The following ROBO1 variants were observed in gnomAD, a reference collection of about 807,000 sequenced individuals.
ROBO1 encodes roundabout guidance receptor 1, also known as roundabout homolog 1.
Under a neutral mutation model 195.9 loss-of-function variants are expected in ROBO1, and 149 were observed. That is an observed-to-expected ratio of 0.76 (90% confidence interval 0.67 to 0.87). ROBO1 has a LOEUF of 0.87. Among genes scored for constraint, ROBO1 ranks in the 40% least tolerant of loss-of-function variants. The probability of loss-of-function intolerance (pLI) is 0.00; values close to 1 mark genes in which losing one functional copy is unlikely to be tolerated. For missense variants in ROBO1, 1,933 were observed against 2,068.3 expected, an observed-to-expected ratio of 0.93 and a Z score of 1.27; for synonymous variants, 816 against 733.2, an observed-to-expected ratio of 1.11 and a Z score of -1.82.
At chr3:79,030,261 C>T (rs1424353039) in intron 3 of ROBO1, among the ~76,000 whole-genome samples, 3 of 152,190 alleles carry the variant, frequency 2.0e-5, no homozygotes, top group Non-Finnish European at 4.4e-5. Flanking sequence ...GTGGTTGTCA[C>T]AGCTGGGAAG....
rs1559720960 is a variant in ROBO1, at chr3:78,668,560, A to G, written c.1554T>C (p.Gly518=). ...GVLQIRYAKL[G]DTGRYTCIAS... is the part of the protein sequence containing the mutation. ...CAATGCAGGTGTACCGACCAGTATC[A>G]CCCAGCTGAGAAGGCAGACAAAAAA... is the stretch of plus-strand genomic sequence containing the variant. The change falls in exon 12 of 31, where the codon GGT becomes GGC. Residue 518 remains glycine (G), a synonymous_variant. Transcript: ENST00000464233. 6.2e-7 allele frequency: 1 copy of G among 1,613,370 alleles called. No homozygotes were observed. Among genetic ancestry groups the G allele is most frequent in the Admixed American group, 1.7e-5 (1 of 59,948 alleles).
rs549938466 is a variant in ROBO1, at chr3:78,705,931, C to A, written c.1045+8466G>T. ...CCCCATACCAATACTTATAATAAAT[C>A]TCTTCTTATTATCTCTATATGCTAT... On this transcript the variant is annotated intron_variant, in intron 8 of 30. Coordinates refer to ENST00000464233, the MANE Select transcript of ROBO1 (RefSeq NM_002941.4). 8.1e-4 allele frequency among the ~76,000 whole-genome samples: 123 copies of A among 152,208 alleles called. 1 individual carries two copies. The highest frequency in any genetic ancestry group is 2.6e-3 in the African/African-American group (108 of 41,538).
At chr3:78,853,449 T>C (rs2034200804) in intron 4 of ROBO1, among the ~76,000 whole-genome samples, 1 of 92,864 alleles carries the variant, frequency 1.1e-5, no homozygotes, top group Admixed American at 1.2e-4. Flanking sequence ...TCATATATAG[T>C]ATGTATGTGT....
At chr3:78,621,947 A>G (rs1704483246) in intron 26 of ROBO1, among the ~76,000 whole-genome samples, 1 of 152,220 alleles carries the variant, frequency 6.6e-6, no homozygotes, top group Admixed American at 6.6e-5. Context: ...TTTCTTGTAA[A>G]AGTAACTATT....
chr3:79,420,469 G>A (rs2038179525), intron 2 of ROBO1, among the ~76,000 whole-genome samples: 1 of 152,076 alleles, frequency 6.6e-6, no homozygotes, highest in African/African-American at 2.4e-5. Context: ...CTAGGACCGT[G>A]AGTGTGGCCA....
At chr3:79,061,293 A>G (rs2078912535) in intron 3 of ROBO1, among the ~76,000 whole-genome samples, 1 of 152,180 alleles carries the variant, frequency 6.6e-6, no homozygotes, top group African/African-American at 2.4e-5. Context: ...CCAACTTACA[A>G]GGGATGTGAA....
At chr3:78,723,245 G>A (rs2082084713) in intron 5 of ROBO1, among the ~76,000 whole-genome samples, 1 of 152,056 alleles carries the variant, frequency 6.6e-6, no homozygotes, top group African/African-American at 2.4e-5. Context: ...TGTTAGAATT[G>A]CCTACAGTAT....
chr3:78,832,635 A>G (rs568343641), intron 4 of ROBO1, among the ~76,000 whole-genome samples: 5 of 152,352 alleles, frequency 3.3e-5, no homozygotes, highest in Admixed American at 3.3e-4. Flanking sequence ...TTGCCACACA[A>G]AACTGAGTAG....
chr3:79,733,081 C>T (rs371386229), intron 1 of ROBO1, among the ~76,000 whole-genome samples: 1 of 152,196 alleles, frequency 6.6e-6, no homozygotes, highest in East Asian at 1.9e-4. Flanking sequence ...TTACTTGCTT[C>T]AGATACCCGA....
intron 4 of ROBO1, among the ~76,000 whole-genome samples, chr3:78,854,927 T>C (rs1375369710): frequency 1.3e-5 from 2 of 152,296 alleles, no homozygotes; most frequent in East Asian, 1.9e-4. Context: ...TTCGATAGAA[T>C]GATATAACCT....
At chr3:78,768,395 T>C (rs1265454289) in intron 4 of ROBO1, among the ~76,000 whole-genome samples, 4 of 152,016 alleles carry the variant, frequency 2.6e-5, no homozygotes, top group Admixed American at 2.6e-4. Context: ...TGAGGAATTA[T>C]AAACTTTAAA....
intron 2 of ROBO1, among the ~76,000 whole-genome samples, chr3:79,437,536 C>A (rs1477454306): frequency 1.3e-5 from 2 of 151,668 alleles, no homozygotes; most frequent in East Asian, 3.9e-4. Flanking sequence ...AAAACTTACA[C>A]AAATGATAAT....
chr3:78,679,905 G>C (rs1187207340), intron 10 of ROBO1, among the ~76,000 whole-genome samples: 2 of 151,968 alleles, frequency 1.3e-5, no homozygotes, highest in Non-Finnish European at 2.9e-5. Context: ...CAAAGCTGGA[G>C]GCATCACGCT....
At chr3:78,711,404 TTTC>T in intron 8 of ROBO1, among the ~76,000 whole-genome samples, 4 of 70,128 alleles carry the variant, frequency 5.7e-5, no homozygotes, top group African/African-American at 2.7e-4. Flanking sequence ...CCTTCCTTTC[TTTC>T]TTTCTTTCTT....
intron 2 of ROBO1, among the ~76,000 whole-genome samples, chr3:79,281,874 G>A (rs1289120737): frequency 6.6e-6 from 1 of 152,130 alleles, no homozygotes. Flanking sequence ...TAATATTTTT[G>A]ACAGATTTCT....
At chr3:78,868,437 C>T (rs2107110885) in intron 4 of ROBO1, among the ~76,000 whole-genome samples, 1 of 151,926 alleles carries the variant, frequency 6.6e-6, no homozygotes, top group East Asian at 1.9e-4. Flanking sequence ...TAAATAATAA[C>T]AGAAATAAAT....
intron 2 of ROBO1, among the ~76,000 whole-genome samples, chr3:79,499,192 G>A (rs758021706): frequency 6.6e-5 from 10 of 152,048 alleles, no homozygotes; most frequent in East Asian, 2.0e-4. Context: ...ACGGGGTTTC[G>A]CCATGTTGGC....
At chr3:79,240,055 G>T (rs2082483811) in intron 2 of ROBO1, among the ~76,000 whole-genome samples, 1 of 152,006 alleles carries the variant, frequency 6.6e-6, no homozygotes, top group African/African-American at 2.4e-5. Flanking sequence ...CTTGTGGTGA[G>T]AATATTTAAA....
intron 2 of ROBO1, among the ~76,000 whole-genome samples, chr3:79,524,033 C>T (rs1023595499): frequency 2.0e-5 from 3 of 151,904 alleles, no homozygotes; most frequent in Admixed American, 1.3e-4. Context: ...CAACTACTTG[C>T]ATGAAAAAAC....
Sources: allele counts gnomAD v4.1 joint callset (sites outside exome capture counted in the v4.1 genomes callset), GRCh38; gene constraint gnomAD v4.1.1; transcripts MANE v1.5; gene names NCBI Gene and HGNC (gene_info 2026-07-23, HGNC 2026-07-21).